The following LRRC40 variants were observed in gnomAD, a reference collection of about 807,000 sequenced individuals.
LRRC40 encodes the protein leucine rich repeat containing 40.
Under a neutral mutation model 72.8 loss-of-function variants are expected in LRRC40, and 76 were observed. The ratio of observed to expected loss-of-function variants is 1.04; its 90% CI spans 0.87 to 1.26. The LOEUF (loss-of-function observed/expected upper bound fraction) is 1.26, where lower values mean the gene tolerates loss of function less well. Among genes scored for constraint, LRRC40 ranks in the 50% most tolerant of loss-of-function variants. The pLI, the probability that LRRC40 is intolerant of heterozygous loss-of-function variation, is 0.00. For missense variants in LRRC40, 684 were observed against 698.9 expected, an observed-to-expected ratio of 0.98 and a Z score of 0.24; for synonymous variants, 243 against 254.2, an observed-to-expected ratio of 0.96 and a Z score of 0.42.
intron 1 of LRRC40, among the ~76,000 whole-genome samples, chr1:70,199,867 T>C (rs1668698988): frequency 6.6e-6 from 1 of 152,122 alleles, no homozygotes; most frequent in Non-Finnish European, 1.5e-5. Context: ...GTCAACTGTA[T>C]ACCTAAACAC....
intron 10 of LRRC40, among the ~76,000 whole-genome samples, chr1:70,158,964 G>A (rs1667698883): frequency 6.6e-6 from 1 of 151,994 alleles, no homozygotes; most frequent in African/African-American, 2.4e-5. Flanking sequence ...ACAAACTGCA[G>A]AAGGAATGGA....
chr1:70,156,993 G>T (rs1288425442), intron 10 of LRRC40, among the ~76,000 whole-genome samples: 1 of 152,126 alleles, frequency 6.6e-6, no homozygotes, highest in Non-Finnish European at 1.5e-5. Context: ...TTTTTTTAAT[G>T]TAATAATTAG....
chr1:70,166,661 T>C (rs201698053), intron 9 of LRRC40, among the ~76,000 whole-genome samples: 1 of 139,312 alleles, frequency 7.2e-6, no homozygotes, highest in African/African-American at 2.6e-5. Flanking sequence ...CGCTTCTAAA[T>C]AAAAAAAAAA....
intron 1 of LRRC40, among the ~76,000 whole-genome samples, chr1:70,198,035 T>G (rs984424991): frequency 6.6e-6 from 1 of 152,196 alleles, no homozygotes; most frequent in African/African-American, 2.4e-5. Flanking sequence ...GTGTTGGTAT[T>G]AAAGGTGTGA....
chr1:70,159,060 T>C (rs1406303429), intron 10 of LRRC40, among the ~76,000 whole-genome samples: 4 of 152,198 alleles, frequency 2.6e-5, no homozygotes, highest in African/African-American at 9.6e-5. Context: ...TTTTTGCAAT[T>C]ATTATTACTC....
At chr1:70,188,714 A>C (rs1233862066) in intron 2 of LRRC40, among the ~76,000 whole-genome samples, 1 of 152,216 alleles carries the variant, frequency 6.6e-6, no homozygotes, top group East Asian at 1.9e-4. Context: ...GCCTGTGCAA[A>C]ATAGTAATAA....
At chr1:70,155,650 A>AT in intron 11 of LRRC40, 39 bp downstream of exon 11, 3 of 906,424 alleles carry the variant, frequency 3.3e-6, no homozygotes, top group Non-Finnish European at 4.8e-6. Context: ...AAACAACAGA[A>AT]TGAGTCACAA....
Position 70,173,705 on chromosome 1 carries a change from G to A in LRRC40, c.982C>T (p.Pro328Ser), listed in dbSNP as rs1668046416. 2 of 1,482,526 alleles carry A rather than the reference G, an allele frequency of 1.3e-6. No homozygotes were observed. The highest frequency in any genetic ancestry group is 2.4e-5 in the South Asian group (2 of 81,804). The allele number at this position is 1,482,526 out of a possible 1,614,324, so 91.8% of individuals were successfully genotyped here. A position where few individuals can be genotyped will look rare whatever the true frequency, so the allele number is the denominator to read the frequency against. ...DLSNNDISSL[P>S]YSLGNLHLKF... ...AAATGAAGGTTCCCCAATGAATAGG[G>A]AAGACTATAAAAGATTAAATTGATT... Residue 328 changes from proline to serine, a missense_variant, in exon 8 of 15, where the codon CCC (proline) becomes TCC (serine). Coordinates refer to ENST00000370952, the MANE Select transcript of LRRC40 (RefSeq NM_017768.5).
At chr1:70,150,367 A>T (rs1260115553) in intron 13 of LRRC40, among the ~76,000 whole-genome samples, 1 of 152,210 alleles carries the variant, frequency 6.6e-6, no homozygotes, top group African/African-American at 2.4e-5. Flanking sequence ...CATACCTTAG[A>T]TGAGTTATTT....
intron 14 of LRRC40, among the ~76,000 whole-genome samples, chr1:70,146,458 A>C (rs1416628821): frequency 6.6e-6 from 1 of 152,170 alleles, no homozygotes; most frequent in Non-Finnish European, 1.5e-5. Context: ...ACTCTTAACA[A>C]TCCTATTTTC....
intron 10 of LRRC40, among the ~76,000 whole-genome samples, chr1:70,158,793 CAT>C (rs1208749280): frequency 2.0e-5 from 3 of 152,100 alleles, no homozygotes; most frequent in Middle Eastern, 3.2e-3. Flanking sequence ...TATTTACTAA[CAT>C]AGACACCCAC....
intron 10 of LRRC40, among the ~76,000 whole-genome samples, chr1:70,156,965 C>T (rs943682350): frequency 6.6e-6 from 1 of 152,142 alleles, no homozygotes; most frequent in Admixed American, 6.5e-5. Context: ...AGAACTCTAA[C>T]ATTTGCAGAT....
chr1:70,187,361 G>GC, intron 2 of LRRC40, 23 bp from the exon 3 acceptor site: 1 of 1,187,358 alleles, frequency 8.4e-7, no homozygotes, highest in Non-Finnish European at 1.2e-6. Context: ...AAAAGACAAA[G>GC]TCAATATTCT....
At chr1:70,187,862 GA>G (rs1668401564) in intron 2 of LRRC40, among the ~76,000 whole-genome samples, 1 of 151,074 alleles carries the variant, frequency 6.6e-6, no homozygotes, top group African/African-American at 2.4e-5. Context: ...GAGAAGAGAA[GA>G]GAAGAGAAGA....
intron 14 of LRRC40, chr1:70,148,137 CAA>C (rs35638808): frequency 0.016 from 1,526 of 94,122 alleles, 13 homozygotes; most frequent in South Asian, 0.054. Flanking sequence ...CAATCAATTT[CAA>C]AAAAAAAAAA....
chr1:70,183,633 C>T (rs550976408), intron 4 of LRRC40, among the ~76,000 whole-genome samples: 6 of 152,096 alleles, frequency 3.9e-5, no homozygotes, highest in Non-Finnish European at 1.5e-5. Flanking sequence ...CTCACTAAAG[C>T]CTCAGCCTCC....
chr1:70,145,483 CTGCT>C lies in LRRC40; in HGVS notation c.*313_*316del. The C allele has an allele frequency of 5.9e-6, 1 of 169,418 alleles. No homozygotes were observed. Among genetic ancestry groups the C allele is most frequent in the Non-Finnish European group, 1.3e-5 (1 of 79,658 alleles). 10.5% of individuals were successfully genotyped at this position (169,418 alleles called of 1,614,324 possible). A position where few individuals can be genotyped will look rare whatever the true frequency, so the allele number is the denominator to read the frequency against. ...AAATAAAAATTCATTTTTGAAAAAA[CTGCT>C]TGCTATAAGAAAATGAAAGTTAGCA... On this transcript the variant is annotated 3_prime_UTR_variant, in exon 15 of 15. Coordinates refer to ENST00000370952, the MANE Select transcript of LRRC40 (RefSeq NM_017768.5).
intron 13 of LRRC40, among the ~76,000 whole-genome samples, 168 bp downstream of exon 13, chr1:70,150,960 T>C (rs577789409): frequency 3.0e-4 from 46 of 152,330 alleles, no homozygotes; most frequent in Admixed American, 5.2e-4. Flanking sequence ...ACTATGAGAA[T>C]TCTAAGAAAA....
In LRRC40 at chr1:70,189,214, A is replaced by G. The variant is rs1348455480; in HGVS notation, c.211T>C (p.Ser71Pro). The G allele has an allele frequency of 1.4e-5, 22 of 1,613,576 alleles. No individual in the cohort carries two copies. Among genetic ancestry groups the G allele is most frequent in the African/African-American group, 4.0e-5 (3 of 74,778 alleles). ...DIPEEANQNL[S>P]FGATERWWEQ... ...CACCATCTTTCAGTAGCACCAAACG[A>G]AAGATTCTGATTAGCTTCCTCAGGG... The change falls in exon 2 of 15, where the codon TCG becomes CCG. Residue 71 changes from serine to proline, a missense_variant. Physicochemically the swap from Ser to Pro is moderately conservative, Grantham distance 74. Transcript: ENST00000370952.
Sources: gnomAD v4.1 joint callset for allele counts (sites outside exome capture counted in the v4.1 genomes callset) on GRCh38, gnomAD v4.1.1 for gene constraint, MANE v1.5 for transcripts, NCBI Gene and HGNC (gene_info 2026-07-23, HGNC 2026-07-21) for gene names.